MAGI3: variants seen among roughly 807,000 people sequenced by gnomAD.
The protein encoded by MAGI3 is membrane-associated guanylate kinase, WW and PDZ domain-containing protein 3.
In MAGI3, 43 loss-of-function variants were observed where a neutral mutation model predicts 121.8. The ratio of observed to expected loss-of-function variants is 0.35; its 90% CI spans 0.28 to 0.46. The LOEUF is 0.46. Among genes scored for constraint, MAGI3 ranks in the 20% least tolerant of loss-of-function variants. MAGI3 has a pLI of 1.00. For missense variants in MAGI3, 1,547 were observed against 1,797.3 expected (o/e 0.86, Z 2.52); for synonymous variants, 553 against 639.3 (o/e 0.86, Z 2.04).
chr1:113,554,582 T>C (rs1259627672), intron 2 of MAGI3, among the ~76,000 whole-genome samples: 1 of 151,942 alleles, frequency 6.6e-6, no homozygotes, highest in Non-Finnish European at 1.5e-5. Context: ...ACGAGGAATA[T>C]GTAACAGCTG....
At chr1:113,612,100 C>A (rs540615073) in intron 6 of MAGI3, among the ~76,000 whole-genome samples, 8 of 152,024 alleles carry the variant, frequency 5.3e-5, no homozygotes, top group Non-Finnish European at 1.2e-4. Context: ...TGCACCACCA[C>A]ACCCAGATAA....
intron 1 of MAGI3, among the ~76,000 whole-genome samples, chr1:113,464,406 G>T (rs1655176069): frequency 6.6e-6 from 1 of 152,046 alleles, no homozygotes; most frequent in Admixed American, 6.6e-5. Flanking sequence ...CTGTTAATGA[G>T]CACTTAGGTT....
chr1:113,569,166 C>T (rs1470873460), intron 2 of MAGI3, among the ~76,000 whole-genome samples: 1 of 152,014 alleles, frequency 6.6e-6, no homozygotes, highest in Non-Finnish European at 1.5e-5. Context: ...CAAATAGCTA[C>T]AAGTAAATAA....
At chr1:113,425,959 A>G (rs1157773538) in intron 1 of MAGI3, among the ~76,000 whole-genome samples, 3 of 151,388 alleles carry the variant, frequency 2.0e-5, no homozygotes, top group Non-Finnish European at 4.4e-5. Flanking sequence ...GGGTTTATTT[A>G]GCTCTTCTTT....
chr1:113,496,329 T>C (rs1656916430), intron 1 of MAGI3, among the ~76,000 whole-genome samples: 1 of 152,190 alleles, frequency 6.6e-6, no homozygotes, highest in African/African-American at 2.4e-5. Flanking sequence ...TCCAAAAAGT[T>C]AGCTGCATAT....
At chr1:113,546,096 A>G (rs1013157883) in intron 1 of MAGI3, among the ~76,000 whole-genome samples, 2 of 152,236 alleles carry the variant, frequency 1.3e-5, no homozygotes, top group African/African-American at 4.8e-5. Flanking sequence ...CTGGAATCAT[A>G]TCAAAGAGAG....
intron 9 of MAGI3, among the ~76,000 whole-genome samples, chr1:113,636,525 TAGTTG>T (rs578075413): frequency 0.021 from 3,243 of 152,278 alleles, 110 homozygotes; most frequent in African/African-American, 0.074. Flanking sequence ...AGTTTCCATG[TAGTTG>T]AGCGGTTTTG....
At position 113,614,607 on chromosome 1, in the gene MAGI3, C is replaced by A; in HGVS notation, c.1025C>A (p.Pro342His). The change falls in exon 7 of 21, where the codon CCT (proline) becomes CAT (histidine). Residue 342 changes from proline to histidine, a missense_variant. Physicochemically the swap from Pro to His is moderately conservative, Grantham distance 77. Transcript: ENST00000307546. Reference protein sequence around the residue: ...APEDCEDGELPYGWEKIEDPQ... With the variant: ...APEDCEDGELHYGWEKIEDPQ... ...CAATTTTCTTTATTTACAGAGCTTC[C>A]TTATGGCTGGGAGAAAATAGAGGAC... 1.9e-6 allele frequency: 3 copies of A among 1,609,172 alleles called. No homozygotes were observed. Among genetic ancestry groups the A allele is most frequent in the Non-Finnish European group, 2.5e-6 (3 of 1,176,888 alleles).
chr1:113,624,117 T>C (rs1362511361), intron 9 of MAGI3, among the ~76,000 whole-genome samples: 4 of 152,200 alleles, frequency 2.6e-5, no homozygotes, highest in Admixed American at 6.5e-5. Flanking sequence ...TCGATGGACA[T>C]TTAGGTGGCT....
chr1:113,646,422 T>C, intron 11 of MAGI3, 64 bp from the exon 12 acceptor site: 1 of 1,359,172 alleles, frequency 7.4e-7, no homozygotes, highest in Non-Finnish European at 1.0e-6. Flanking sequence ...CAGATATCAG[T>C]TTTATGAATT....
intron 6 of MAGI3, among the ~76,000 whole-genome samples, chr1:113,598,103 T>C (rs1273865754): frequency 2.0e-5 from 3 of 152,024 alleles, no homozygotes; most frequent in African/African-American, 4.8e-5. Context: ...TCCCAGCTAC[T>C]CAGGAGGCTG....
chr1:113,505,343 G>A (rs191008441), intron 1 of MAGI3, among the ~76,000 whole-genome samples: 21 of 152,122 alleles, frequency 1.4e-4, no homozygotes, highest in Admixed American at 2.6e-4. Context: ...CAAAAGCTCA[G>A]CAATAGGTTT....
At chr1:113,392,598 A>G (rs956188819) in intron 1 of MAGI3, among the ~76,000 whole-genome samples, 3 of 152,226 alleles carry the variant, frequency 2.0e-5, no homozygotes, top group African/African-American at 7.2e-5. Context: ...ACACAGACTC[A>G]CATGCTCCTA....
In MAGI3 at chr1:113,683,562, G is replaced by GA. The variant is rs762530499; in HGVS notation, c.3999dup (p.Ser1334IlefsTer30). 4 of 1,613,872 alleles carry GA rather than the reference G, an allele frequency of 2.5e-6. No individual in the cohort carries two copies. Among genetic ancestry groups the GA allele is most frequent in the Middle Eastern group, 3.3e-4 (2 of 6,060 alleles). On this transcript the variant is annotated frameshift_variant, in exon 21 of 21. Coordinates refer to ENST00000307546, the MANE Select transcript of MAGI3 (RefSeq NM_001142782.2). LOFTEE classifies it low-confidence loss of function (END_TRUNC). ...TGCTGAGCAGATCCCAGATGGGAAG[G>GA]AAAAATCAGACGTCATCAGGAAAGA...
intron 1 of MAGI3, among the ~76,000 whole-genome samples, chr1:113,489,063 C>CA: frequency 6.6e-6 from 1 of 152,170 alleles, no homozygotes; most frequent in African/African-American, 2.4e-5. Context: ...ACCACTGCTG[C>CA]TGGCACATGC....
At chr1:113,675,231 G>C (rs1647800465) in intron 19 of MAGI3, among the ~76,000 whole-genome samples, 1 of 152,180 alleles carries the variant, frequency 6.6e-6, no homozygotes, top group African/African-American at 2.4e-5. Flanking sequence ...GCATACAGTG[G>C]TAGTGGTGGG....
At chr1:113,539,911 C>T (rs1659203748) in intron 1 of MAGI3, among the ~76,000 whole-genome samples, 1 of 151,832 alleles carries the variant, frequency 6.6e-6, no homozygotes, top group South Asian at 2.1e-4. Context: ...TCTTCAACCT[C>T]CCAGGTAGCT....
chr1:113,419,676 T>C lies in MAGI3; in HGVS notation c.316+28327T>C, dbSNP rs1439928653. 4.6e-5 allele frequency among the ~76,000 whole-genome samples: 7 copies of C among 152,196 alleles called. 1 individual carries two copies. Among genetic ancestry groups the C allele is most frequent in the Admixed American group, 4.6e-4 (7 of 15,278 alleles). On this transcript the variant is annotated intron_variant, in intron 1 of 20. Coordinates refer to ENST00000307546, the MANE Select transcript of MAGI3 (RefSeq NM_001142782.2). The stretch of plus-strand genomic sequence containing the variant: ...GAGAGTGGTTGGAGACATCTTTTTC[T>C]TCTTGGTTTGCAAAGAGAGTGATTG...
intron 3 of MAGI3, among the ~76,000 whole-genome samples, chr1:113,583,036 G>A (rs1212805400): frequency 6.6e-6 from 1 of 151,536 alleles, no homozygotes; most frequent in Non-Finnish European, 1.5e-5. Context: ...ATCTTTGTCA[G>A]TAACTATAGT....
Sources: allele counts gnomAD v4.1 joint callset (sites outside exome capture counted in the v4.1 genomes callset), GRCh38; gene constraint gnomAD v4.1.1; transcripts MANE v1.5; gene names NCBI Gene and HGNC (gene_info 2026-07-23, HGNC 2026-07-21).